Variants in PDLIM5 observed in about 807,000 individuals in gnomAD.
PDLIM5 encodes the protein PDZ and LIM domain protein 5.
A neutral mutation model predicts 64.2 loss-of-function variants in PDLIM5; 34 were observed. The observed-to-expected ratio is 0.53, with a 90% confidence interval of 0.40 to 0.71. PDLIM5 has a LOEUF of 0.71. Among genes scored for constraint, PDLIM5 ranks in the 30% least tolerant of loss-of-function variants. PDLIM5 has a pLI of 0.00. For synonymous variants in PDLIM5, 253 were observed against 269.1 expected (o/e 0.94, Z 0.59); for missense variants, 683 against 733.6 (o/e 0.93, Z 0.80).
chr4:94,628,184 G>A (rs1739853309), intron 8 of PDLIM5, among the ~76,000 whole-genome samples: 1 of 152,150 alleles, frequency 6.6e-6, no homozygotes. Context: ...TTAAGACCCA[G>A]AATGATGACA....
At chr4:94,626,086 G>A (rs1234138471) in intron 8 of PDLIM5, among the ~76,000 whole-genome samples, 3 of 152,108 alleles carry the variant, frequency 2.0e-5, no homozygotes, top group South Asian at 2.1e-4. Context: ...TTGATCAAAC[G>A]AAACGGGAAA....
At chr4:94,580,055 G>A (rs28717041) in intron 5 of PDLIM5, among the ~76,000 whole-genome samples, 9,756 of 152,144 alleles carry the variant, frequency 0.064, 478 homozygotes, top group African/African-American at 0.13. Flanking sequence ...TTTGAAATTT[G>A]TTAAGAGAGA....
intron 11 of PDLIM5, among the ~76,000 whole-genome samples, chr4:94,659,350 G>T (rs1257110200): frequency 6.6e-6 from 1 of 152,042 alleles, no homozygotes; most frequent in African/African-American, 2.4e-5. Flanking sequence ...CTCCACTAAA[G>T]CTAACTAAAG....
intron 12 of PDLIM5, among the ~76,000 whole-genome samples, chr4:94,662,802 A>G (rs951440252): frequency 2.8e-5 from 4 of 141,192 alleles, no homozygotes; most frequent in Non-Finnish European, 3.1e-5. Context: ...GTATTTCTTA[A>G]AACAGTAAGA....
intron 6 of PDLIM5, 23 bp downstream of exon 6, chr4:94,585,760 T>TAATG: frequency 6.3e-7 from 1 of 1,591,740 alleles, no homozygotes; most frequent in South Asian, 1.1e-5. Context: ...CTAGGTATCC[T>TAATG]AATGGATGAA....
At chr4:94,663,903 C>A in intron 12 of PDLIM5, 75 bp from the exon 13 acceptor site, 1 of 1,474,048 alleles carries the variant, frequency 6.8e-7, no homozygotes, top group Non-Finnish European at 9.2e-7. Flanking sequence ...TCACTCTCTC[C>A]TTCTCCAGCA....
chr4:94,615,447 A>G (rs894088577), intron 7 of PDLIM5, among the ~76,000 whole-genome samples: 8 of 152,152 alleles, frequency 5.3e-5, no homozygotes, highest in African/African-American at 1.9e-4. Flanking sequence ...TTCTATTATT[A>G]TTAATTATGG....
chr4:94,569,929 C>T (rs1221795737), intron 3 of PDLIM5, among the ~76,000 whole-genome samples: 1 of 151,986 alleles, frequency 6.6e-6, no homozygotes, highest in Non-Finnish European at 1.5e-5. Context: ...TGCCCTAATA[C>T]CCTCTTATTT....
intron 10 of PDLIM5, among the ~76,000 whole-genome samples, chr4:94,656,145 C>T (rs2110492962): frequency 6.6e-6 from 1 of 152,136 alleles, no homozygotes; most frequent in African/African-American, 2.4e-5. Flanking sequence ...TAAATATTTA[C>T]CAATCACAGA....
intron 3 of PDLIM5, among the ~76,000 whole-genome samples, chr4:94,527,609 A>G (rs980549790): frequency 3.9e-5 from 6 of 152,174 alleles, no homozygotes; most frequent in Non-Finnish European, 7.3e-5. Flanking sequence ...CCTTTAAGGA[A>G]AGCAGTGAGT....
In PDLIM5 at chr4:94,664,093, G is replaced by A; in HGVS notation, c.*26G>A. ...AAGTCAACAGTTCAGGAGAAGAGAAGGAATTTGAAGAGAAAAAGGAAAATT... is the reference window on the plus strand; with the variant it reads ...AAGTCAACAGTTCAGGAGAAGAGAAAGAATTTGAAGAGAAAAAGGAAAATT... On this transcript the variant is annotated 3_prime_UTR_variant, in exon 13 of 13. Coordinates refer to ENST00000317968, the MANE Select transcript of PDLIM5 (RefSeq NM_006457.5). 1 of 1,497,426 alleles carries A rather than the reference G, an allele frequency of 6.7e-7. No homozygotes were observed. Among genetic ancestry groups the A allele is most frequent in the Non-Finnish European group, 9.0e-7 (1 of 1,110,842 alleles). 92.8% of individuals were successfully genotyped at this position (1,497,426 alleles called of 1,614,324 possible).
intron 2 of PDLIM5, among the ~76,000 whole-genome samples, chr4:94,512,169 C>T (rs751042030): frequency 5.3e-4 from 81 of 152,080 alleles, no homozygotes; most frequent in Non-Finnish European, 9.4e-4. Flanking sequence ...TACTGGCATG[C>T]CCCACCACAC....
rs146910654 is a variant in PDLIM5, at chr4:94,655,218, AAGG to A, written c.1464+581_1464+583del. 2.3e-3 allele frequency among the ~76,000 whole-genome samples: 352 copies of A among 152,122 alleles called. 1 individual carries two copies. Among genetic ancestry groups the A allele is most frequent in the African/African-American group, 8.2e-3 (339 of 41,532 alleles). ...AATTTTTTTTCCTTTTTTGCAAAAA[AAGG>A]AGTAATTTAGGAATCAGATACAGTA... On this transcript the variant is annotated intron_variant, in intron 10 of 12. Transcript: ENST00000317968.
chr4:94,634,104 G>C (rs1394530753), intron 8 of PDLIM5, among the ~76,000 whole-genome samples: 1 of 152,118 alleles, frequency 6.6e-6, no homozygotes, highest in Non-Finnish European at 1.5e-5. Flanking sequence ...TAAGACCTTT[G>C]GTTTTAGTGC....
At chr4:94,463,035 T>G (rs950045973) in intron 2 of PDLIM5, among the ~76,000 whole-genome samples, 4 of 152,254 alleles carry the variant, frequency 2.6e-5, no homozygotes, top group Admixed American at 2.0e-4. Flanking sequence ...AGAGCTTTTG[T>G]TAGTAATTAT....
At chr4:94,469,097 G>C (rs1217552272) in intron 2 of PDLIM5, among the ~76,000 whole-genome samples, 2 of 152,214 alleles carry the variant, frequency 1.3e-5, no homozygotes, top group Non-Finnish European at 2.9e-5. Flanking sequence ...AAAAGTAGTA[G>C]TGGCAGACAG....
Position 94,585,799 on chromosome 4 carries a change from A to G in PDLIM5, c.883+62A>G, listed in dbSNP as rs753492214. 114 of 1,330,812 alleles carry G rather than the reference A, an allele frequency of 8.6e-5. 1 individual carries two copies. The highest frequency in any genetic ancestry group is 1.2e-4 in the Non-Finnish European group (110 of 931,616). The allele number at this position is 1,330,812 out of a possible 1,614,324, so 82.4% of individuals were successfully genotyped here. On this transcript the variant is annotated intron_variant, in intron 6 of 12. Coordinates refer to ENST00000317968, the MANE Select transcript of PDLIM5 (RefSeq NM_006457.5). ...TTTTTTGCCCCAGAGAGTGGCATTGAGACTGATTGGTAGTTGTCAGAAAAC... is the reference window on the plus strand; with the variant it reads ...TTTTTTGCCCCAGAGAGTGGCATTGGGACTGATTGGTAGTTGTCAGAAAAC...
At chr4:94,621,114 A>G (rs1739206709) in intron 8 of PDLIM5, among the ~76,000 whole-genome samples, 2 of 142,160 alleles carry the variant, frequency 1.4e-5, no homozygotes, top group East Asian at 2.3e-4. Context: ...AAGTATTTCT[A>G]TTGTGTTGGA....
rs537497475 is a variant in PDLIM5, at chr4:94,530,617, T to C, written c.248+6742T>C. 2.6e-4 allele frequency among the ~76,000 whole-genome samples: 39 copies of C among 151,892 alleles called. 1 individual carries two copies. The highest frequency in any genetic ancestry group is 9.2e-4 in the African/African-American group (38 of 41,384). ...TCTGTGGTTTTTTAAAATTTTTGTT[T>C]CTTATTCTTCAAACTTCATTTACTG... On this transcript the variant is annotated intron_variant, in intron 3 of 12. Transcript: ENST00000317968.
Sources: allele counts gnomAD v4.1 joint callset (sites outside exome capture counted in the v4.1 genomes callset), GRCh38; gene constraint gnomAD v4.1.1; transcripts MANE v1.5; gene names NCBI Gene and HGNC (gene_info 2026-07-23, HGNC 2026-07-21).